RAB28: variants seen among roughly 807,000 people sequenced by gnomAD.
RAB28 encodes the protein RAB28, member RAS oncogene family, also known as ras-related protein Rab-28.
RAB28 carries 24 observed loss-of-function variants against 31.7 expected under a neutral mutation model. That is an observed-to-expected ratio of 0.76 (90% CI 0.55 to 1.06). The LOEUF (loss-of-function observed/expected upper bound fraction) is 1.06, where lower values mean the gene tolerates loss of function less well. RAB28 is among the 50% of genes least tolerant of loss of function. The pLI is 0.00. For synonymous variants in RAB28, 100 were observed against 90.4 expected, an observed-to-expected ratio of 1.11 and a Z score of -0.60; for missense variants, 254 against 258.5, an observed-to-expected ratio of 0.98 and a Z score of 0.12.
chr4:13,376,868 CAT>C (rs999108981), intron 5 of RAB28, among the ~76,000 whole-genome samples: 4 of 152,066 alleles, frequency 2.6e-5, no homozygotes, highest in African/African-American at 9.7e-5. Context: ...TAAACACACA[CAT>C]GAAAGATTTA....
intron 4 of RAB28, among the ~76,000 whole-genome samples, chr4:13,456,879 A>G (rs913661687): frequency 6.6e-6 from 1 of 152,196 alleles, no homozygotes; most frequent in Non-Finnish European, 1.5e-5. Flanking sequence ...CTTTTAATAA[A>G]AATAAGTCCA....
In RAB28 at chr4:13,368,589, G is replaced by A; in HGVS notation, c.635C>T (p.Pro212Leu). 1 of 1,612,442 alleles carries A rather than the reference G, an allele frequency of 6.2e-7. No individual in the cohort carries two copies. The highest frequency in any genetic ancestry group is 2.2e-5 in the East Asian group (1 of 44,750). The change falls in exon 7 of 7, where the codon CCT becomes CTT. Residue 212 changes from proline (P) to leucine (L), a missense_variant. By Grantham distance (98) the Pro-to-Leu change is moderately conservative. Transcript: ENST00000330852. ...NQEPMSRTVN[P>L]PRSSMCAVQ ...AACTGCACACATAGAGCTTCTAGGAGGGTTAACAGTCCTTGACATAGGTTC... is the reference window on the plus strand; with the variant it reads ...AACTGCACACATAGAGCTTCTAGGAAGGTTAACAGTCCTTGACATAGGTTC...
rs1393116160 is a variant in RAB28 at position 13,456,073 on chromosome 4, C to A, written c.391+4626G>T. Among the ~76,000 whole-genome samples, 3 of 152,132 alleles carry A rather than the reference C, an allele frequency of 2.0e-5. No individual in the cohort carries two copies. In the East Asian group the frequency reaches 5.8e-4, roughly 29 times the overall value. The stretch of plus-strand genomic sequence containing the variant: ...AGATTAAGATCTAGGTTGGCAGGTT[C>A]CCATCACTCCTTAAAGACTCTCTTT... On this transcript the variant is annotated intron_variant, in intron 4 of 6. Coordinates refer to ENST00000330852, the MANE Select transcript of RAB28 (RefSeq NM_001017979.3).
At chr4:13,463,617 T>C (rs1043242108) in intron 3 of RAB28, among the ~76,000 whole-genome samples, 1 of 152,004 alleles carries the variant, frequency 6.6e-6, no homozygotes, top group African/African-American at 2.4e-5. Flanking sequence ...TGTCCCAACA[T>C]TTTTCAGTTG....
chr4:13,407,811 CTGTT>C (rs759819347), intron 4 of RAB28, among the ~76,000 whole-genome samples: 14 of 152,138 alleles, frequency 9.2e-5, no homozygotes, highest in East Asian at 3.9e-4. Flanking sequence ...ATTTGGCTCT[CTGTT>C]TGTCTATTAT....
chr4:13,425,744 GTTGCTTTAGTTGCTTATAT>G (rs1200281156), intron 4 of RAB28, among the ~76,000 whole-genome samples: 1 of 152,092 alleles, frequency 6.6e-6, no homozygotes, highest in East Asian at 1.9e-4. Flanking sequence ...TAGTTGTACT[GTTGCTTTAGTTGCTTATAT>G]TTGCTTTAGT....
chr4:13,430,095 T>C (rs1315203552), intron 4 of RAB28, among the ~76,000 whole-genome samples: 1 of 152,148 alleles, frequency 6.6e-6, no homozygotes, highest in African/African-American at 2.4e-5. Context: ...AGCATAGTCA[T>C]TTCCACAAAT....
intron 2 of RAB28, among the ~76,000 whole-genome samples, chr4:13,477,441 A>G (rs1419312223): frequency 6.6e-6 from 1 of 151,646 alleles, no homozygotes; most frequent in Non-Finnish European, 1.5e-5. Flanking sequence ...TATTCAGCTA[A>G]TGATACATTA....
intron 4 of RAB28, among the ~76,000 whole-genome samples, chr4:13,422,768 A>T (rs570778427): frequency 1.3e-5 from 2 of 151,988 alleles, no homozygotes; most frequent in South Asian, 4.2e-4. Context: ...GGGACGGGGG[A>T]GGGATAGCAT....
chr4:13,481,649 C>T (rs1161319011), intron 1 of RAB28, among the ~76,000 whole-genome samples: 1 of 151,744 alleles, frequency 6.6e-6, no homozygotes, highest in African/African-American at 2.4e-5. Context: ...TCAAAAAGCT[C>T]TTAAGAGACT....
intron 4 of RAB28, chr4:13,460,008 A>G: frequency 1.3e-6 from 1 of 759,530 alleles, no homozygotes; most frequent in Non-Finnish European, 2.0e-6. Flanking sequence ...GTTATAATAG[A>G]CCACGCATCA....
chr4:13,484,327 TCCCCGCCCTC>T lies in RAB28; in HGVS notation c.-187_-178del. 1.8e-6 allele frequency: 1 copy of T among 570,716 alleles called. No homozygotes were observed. The highest frequency in any genetic ancestry group is 3.2e-6 in the Non-Finnish European group (1 of 312,458). 35.4% of individuals were successfully genotyped at this position (570,716 alleles called of 1,614,324 possible). On this transcript the variant is annotated 5_prime_UTR_variant, in exon 1 of 7. Coordinates refer to ENST00000330852, the MANE Select transcript of RAB28 (RefSeq NM_001017979.3). Reference sequence around the variant, plus strand: ...CTCGGCAAGCGCCATCTTGCCCACCTCCCCGCCCTCTGCGCGCGGCCCCGCCCCCTACGCG... The same window carrying T: ...CTCGGCAAGCGCCATCTTGCCCACCTTGCGCGCGGCCCCGCCCCCTACGCG...
chr4:13,484,259 C>T lies in RAB28; in HGVS notation c.-109G>A. The stretch of plus-strand genomic sequence containing the variant: ...GGAGGTAGTTGCGGCAGGACCCCCG[C>T]CCCGGTGTCTCCGCGCCGGCAGGAG... On this transcript the variant is annotated 5_prime_UTR_variant, in exon 1 of 7. Coordinates refer to ENST00000330852, the MANE Select transcript of RAB28 (RefSeq NM_001017979.3). 2 of 814,776 alleles carry T rather than the reference C, an allele frequency of 2.5e-6. No homozygotes were observed. Among genetic ancestry groups the T allele is most frequent in the South Asian group, 3.0e-5 (2 of 67,458 alleles). 50.5% of individuals were successfully genotyped at this position (814,776 alleles called of 1,614,324 possible). A position where few individuals can be genotyped will look rare whatever the true frequency, so the allele number is the denominator to read the frequency against.
chr4:13,388,120 G>A (rs985615583), intron 4 of RAB28, among the ~76,000 whole-genome samples: 6 of 151,880 alleles, frequency 4.0e-5, no homozygotes, highest in African/African-American at 4.8e-5. Flanking sequence ...TTGGAGAGTC[G>A]GATACGCCAT....
intron 4 of RAB28, among the ~76,000 whole-genome samples, chr4:13,401,845 A>C (rs1305240002): frequency 3.9e-5 from 6 of 152,066 alleles, no homozygotes; most frequent in African/African-American, 1.4e-4. Flanking sequence ...CGATATTCTT[A>C]AGGTGGAAAC....
chr4:13,431,494 C>T (rs1425588342), intron 4 of RAB28, among the ~76,000 whole-genome samples: 3 of 152,074 alleles, frequency 2.0e-5, no homozygotes, highest in South Asian at 2.1e-4. Flanking sequence ...TGGATTATAC[C>T]CAGAACTGCA....
intron 6 of RAB28, chr4:13,369,936 G>T: frequency 6.2e-7 from 1 of 1,611,572 alleles, no homozygotes; most frequent in South Asian, 1.1e-5. Context: ...CTTCTTCCGG[G>T]TACTTCACTA....
At chr4:13,452,590 T>C (rs1210259192) in intron 4 of RAB28, among the ~76,000 whole-genome samples, 1 of 152,084 alleles carries the variant, frequency 6.6e-6, no homozygotes, top group African/African-American at 2.4e-5. Context: ...GTTCATCTAC[T>C]GTTGGTTTCT....
chr4:13,371,205 C>T (rs1728699945), intron 6 of RAB28: 1 of 985,216 alleles, frequency 1.0e-6, no homozygotes, highest in African/African-American at 1.7e-5. Flanking sequence ...CAACAAGCAG[C>T]ATTAACTTTT....
Sources: gnomAD v4.1 joint callset for allele counts (sites outside exome capture counted in the v4.1 genomes callset) on GRCh38, gnomAD v4.1.1 for gene constraint, MANE v1.5 for transcripts, NCBI Gene and HGNC (gene_info 2026-07-23, HGNC 2026-07-21) for gene names.